ABCA13: variants seen among roughly 807,000 people sequenced by gnomAD.
The protein encoded by ABCA13 is ATP binding cassette subfamily A member 13.
ABCA13 carries 476 observed loss-of-function variants against 478.7 expected under a neutral mutation model. That is an observed-to-expected ratio of 0.99 (90% confidence interval 0.92 to 1.07). The LOEUF is 1.07. Among genes scored for constraint, ABCA13 ranks in the 50% least tolerant of loss-of-function variants. The pLI is 0.00. For synonymous variants in ABCA13, 2,252 were observed against 2,158.9 expected, an observed-to-expected ratio of 1.04 and a Z score of -1.20; for missense variants, 6,060 against 5,910.6, an observed-to-expected ratio of 1.03 and a Z score of -0.83.
At chr7:48,344,001 T>C (rs1288998975) in intron 29 of ABCA13, among the ~76,000 whole-genome samples, 1 of 152,246 alleles carries the variant, frequency 6.6e-6, no homozygotes, top group Non-Finnish European at 1.5e-5. Context: ...TTTCTATTTG[T>C]TTATTTTGAG....
At chr7:48,246,071 T>A in intron 13 of ABCA13, 41 bp downstream of exon 13, 1 of 1,569,034 alleles carries the variant, frequency 6.4e-7, no homozygotes, top group African/African-American at 1.4e-5. Context: ...GGGCACAAAT[T>A]TAAGATTAAA....
chr7:48,385,024 G>A (rs1047985029), intron 35 of ABCA13, among the ~76,000 whole-genome samples: 1 of 152,150 alleles, frequency 6.6e-6, no homozygotes, highest in African/African-American at 2.4e-5. Context: ...ACATTTTGAA[G>A]TACAGGGGGT....
intron 58 of ABCA13, among the ~76,000 whole-genome samples, chr7:48,612,641 G>A (rs75230600): frequency 0.025 from 3,732 of 152,248 alleles, 61 homozygotes; most frequent in South Asian, 0.063. Context: ...ACTTAAATGA[G>A]TGATATATTC....
Position 48,403,793 on chromosome 7 carries a change from G to A in ABCA13, c.11984G>A (p.Arg3995Lys). Reference protein sequence around the residue: ...SLGIAFMGMSRTVVLDEPTSG... With the variant: ...SLGIAFMGMSKTVVLDEPTSG... ...GGCATTGCTTTCATGGGCATGTCGA[G>A]GACCGTGGTTCTGGATGAGCCCACC... The change falls in exon 39 of 62, where the codon AGG becomes AAG. Residue 3995 changes from arginine (R) to lysine (K), a missense_variant. Physicochemically the swap from Arg to Lys is conservative, Grantham distance 26. Coordinates refer to ENST00000435803, the MANE Select transcript of ABCA13 (RefSeq NM_152701.5). 6.2e-7 allele frequency: 1 copy of A among 1,613,950 alleles called. No individual in the cohort carries two copies.
At chr7:48,579,714 T>C (rs1585870231) in intron 55 of ABCA13, among the ~76,000 whole-genome samples, 1 of 152,092 alleles carries the variant, frequency 6.6e-6, no homozygotes, top group African/African-American at 2.4e-5. Flanking sequence ...ATGTACCATA[T>C]AAGGCTAAAC....
At chr7:48,556,486 G>A (rs1157607516) in intron 55 of ABCA13, among the ~76,000 whole-genome samples, 4 of 151,906 alleles carry the variant, frequency 2.6e-5, no homozygotes, top group Non-Finnish European at 4.4e-5. Context: ...GAGTGCTCCT[G>A]TGTTGGGTAC....
chr7:48,329,104 T>C (rs1804788772), intron 27 of ABCA13, among the ~76,000 whole-genome samples: 1 of 152,220 alleles, frequency 6.6e-6, no homozygotes, highest in African/African-American at 2.4e-5. Flanking sequence ...AGATACAGAC[T>C]GATCTTCAAG....
At chr7:48,374,196 A>G in intron 33 of ABCA13, 151 bp from the exon 34 acceptor site, 1 of 665,874 alleles carries the variant, frequency 1.5e-6, no homozygotes. Flanking sequence ...TTTTCAGATC[A>G]AAATATTTAA....
intron 41 of ABCA13, among the ~76,000 whole-genome samples, chr7:48,415,750 G>A (rs770463569): frequency 5.3e-5 from 8 of 152,098 alleles, no homozygotes; most frequent in Non-Finnish European, 1.2e-4. Flanking sequence ...AAAAAAACTG[G>A]TGAGGAAAGC....
intron 52 of ABCA13, among the ~76,000 whole-genome samples, chr7:48,517,315 G>A (rs1832202508): frequency 6.6e-6 from 1 of 152,078 alleles, no homozygotes; most frequent in Non-Finnish European, 1.5e-5. Flanking sequence ...CATGCTCTCG[G>A]GGCACAGCAT....
chr7:48,546,461 GT>G (rs111947811), intron 55 of ABCA13, among the ~76,000 whole-genome samples: 21,224 of 151,488 alleles, frequency 0.14, 2,039 homozygotes, highest in African/African-American at 0.23. Flanking sequence ...AGAATTATAG[GT>G]TAAGTTTTAT....
In ABCA13 at chr7:48,410,546, C is replaced by G. The variant is rs1015426895; in HGVS notation, c.12097C>G (p.His4033Asp). Reference sequence around the variant, plus strand: ...TCGTACGATCATCTTCACAACCCACCACCTGGATGAAGCTGAAGCGCTGAG... The same window carrying G: ...TCGTACGATCATCTTCACAACCCACGACCTGGATGAAGCTGAAGCGCTGAG... ...EGRTIIFTTH[H>D]LDEAEALSDR... The change falls in exon 40 of 62, where the codon CAC becomes GAC. Residue 4033 changes from histidine to aspartate, a missense_variant. By Grantham distance (81) the His-to-Asp change is moderately conservative. Around this residue, in one of 3 missense-constraint regions of ABCA13, gnomAD observed 1,627 missense variants for 1,571.0 expected, o/e 1.04. Transcript: ENST00000435803. 6.2e-7 allele frequency: 1 copy of G among 1,614,060 alleles called. No individual in the cohort carries two copies. The highest frequency in any genetic ancestry group is 8.5e-7 in the Non-Finnish European group (1 of 1,179,902).
At position 48,369,636 on chromosome 7, in the gene ABCA13, T is replaced by G. The variant is rs187611538; in HGVS notation, c.10803+1728T>G. ...GGTTGCCAATTATCCCAACATCATTTGTTGAATAGGGTGTCCTTTCCCCAC... is the reference window on the plus strand; with the variant it reads ...GGTTGCCAATTATCCCAACATCATTGGTTGAATAGGGTGTCCTTTCCCCAC... On this transcript the variant is annotated intron_variant, in intron 32 of 61. Coordinates refer to ENST00000435803, the MANE Select transcript of ABCA13 (RefSeq NM_152701.5). 1.9e-4 allele frequency among the ~76,000 whole-genome samples: 29 copies of G among 152,350 alleles called. No homozygotes were observed. In the East Asian group the frequency reaches 5.2e-3, roughly 27 times the overall value.
intron 48 of ABCA13, among the ~76,000 whole-genome samples, chr7:48,490,241 G>A (rs1403068769): frequency 6.6e-6 from 1 of 152,204 alleles, no homozygotes; most frequent in Non-Finnish European, 1.5e-5. Context: ...TAGTACAATA[G>A]TCATACAGAG....
intron 55 of ABCA13, among the ~76,000 whole-genome samples, chr7:48,535,746 A>G (rs1833525183): frequency 6.6e-6 from 1 of 151,986 alleles, no homozygotes; most frequent in Non-Finnish European, 1.5e-5. Context: ...TCAGGGGATT[A>G]TGGCTGCCTC....
At chr7:48,288,217 C>T in intron 20 of ABCA13, 139 bp downstream of exon 20, 2 of 789,112 alleles carry the variant, frequency 2.5e-6, no homozygotes, top group South Asian at 3.6e-5. Flanking sequence ...GCAAGCTGGG[C>T]TTGCAGAATG....
At chr7:48,495,688 T>C (rs192481785) in intron 48 of ABCA13, among the ~76,000 whole-genome samples, 43 of 152,244 alleles carry the variant, frequency 2.8e-4, no homozygotes, top group Admixed American at 1.8e-3. Flanking sequence ...CTTTGTTTCT[T>C]TTTTCAGTTT....
At chr7:48,215,801 T>G in intron 3 of ABCA13, among the ~76,000 whole-genome samples, 1 of 152,220 alleles carries the variant, frequency 6.6e-6, no homozygotes, top group Non-Finnish European at 1.5e-5. Context: ...CTAAACTACT[T>G]TCTGTCTCGA....
intron 3 of ABCA13, among the ~76,000 whole-genome samples, chr7:48,202,853 G>C (rs1051082293): frequency 3.9e-5 from 6 of 152,276 alleles, no homozygotes; most frequent in Non-Finnish European, 8.8e-5. Context: ...GCTTCACCCA[G>C]TGGATCCCGC....
Sources: allele counts gnomAD v4.1 joint callset (sites outside exome capture counted in the v4.1 genomes callset), GRCh38; gene constraint gnomAD v4.1.1; regional missense constraint gnomAD v4.1.1; transcripts MANE v1.5; gene names NCBI Gene and HGNC (gene_info 2026-07-23, HGNC 2026-07-21).